Variants in ARHGEF33 observed in about 807,000 individuals in gnomAD.
The protein encoded by ARHGEF33 is Rho guanine nucleotide exchange factor 33.
A neutral mutation model predicts 101.9 loss-of-function variants in ARHGEF33; 72 were observed. That is an observed-to-expected ratio of 0.71 (90% CI 0.58 to 0.86). The LOEUF (loss-of-function observed/expected upper bound fraction) is 0.86, where lower values mean the gene tolerates loss of function less well. Ranked by LOEUF, ARHGEF33 falls within the 40% of genes least tolerant of loss-of-function variation. ARHGEF33 has a pLI of 0.00. For missense variants in ARHGEF33, 1,169 were observed against 1,111.3 expected, an observed-to-expected ratio of 1.05 and a Z score of -0.74; for synonymous variants, 499 against 442.5, an observed-to-expected ratio of 1.13 and a Z score of -1.60.
At chr2:38,901,668 G>A (rs1322658271) in intron 2 of ARHGEF33, among the ~76,000 whole-genome samples, 1 of 152,182 alleles carries the variant, frequency 6.6e-6, no homozygotes, top group Non-Finnish European at 1.5e-5. Context: ...ATCACCACTG[G>A]AGTCTTACGG....
At chr2:38,901,465 C>T (rs1343869485) in intron 2 of ARHGEF33, among the ~76,000 whole-genome samples, 3 of 152,196 alleles carry the variant, frequency 2.0e-5, no homozygotes, top group Admixed American at 6.5e-5. Context: ...CAGTAACCAG[C>T]TCCCGGGTAG....
chr2:38,900,280 G>A (rs1486422718), intron 2 of ARHGEF33, among the ~76,000 whole-genome samples: 1 of 152,152 alleles, frequency 6.6e-6, no homozygotes, highest in African/African-American at 2.4e-5. Flanking sequence ...TGAGAATGTA[G>A]CAGAAGAGGG....
At chr2:38,954,789 A>G (rs7607053) in intron 13 of ARHGEF33, among the ~76,000 whole-genome samples, 2,338 of 152,102 alleles carry the variant, frequency 0.015, 77 homozygotes, top group African/African-American at 0.053. Context: ...ATGTGCCACC[A>G]TGCCCAGCTA....
rs540753944 is a variant in ARHGEF33, at chr2:38,892,168, T to C, written c.-159+2182T>C. Among the ~76,000 whole-genome samples the C allele has an allele frequency of 4.6e-5, 7 of 152,264 alleles. No individual in the cohort carries two copies. The South Asian group carries it at 1.5e-3, about 32-fold the overall frequency. On this transcript the variant is annotated intron_variant, in intron 1 of 17. Transcript: ENST00000409978. ...TTCCTGAGAATGAGGGAGTAGCTGT[T>C]TTGGATTTGTCTTTGGGGCCTACTT...
rs1454738150 is a variant in ARHGEF33, at chr2:38,950,981, G to C, written c.921-8G>C. ...GTTTGTGTGATTCCGTCTCTATTCTGTTTCAAGCCTCTTCCCTGGCTCTTT... is the reference window on the plus strand; with the variant it reads ...GTTTGTGTGATTCCGTCTCTATTCTCTTTCAAGCCTCTTCCCTGGCTCTTT... On this transcript the variant is annotated splice_region_variant and splice_polypyrimidine_tract_variant and intron_variant, in intron 10 of 17. Transcript: ENST00000409978. 9 of 1,551,612 alleles carry C rather than the reference G, an allele frequency of 5.8e-6. No homozygotes were observed. The highest frequency in any genetic ancestry group is 7.0e-6 in the Non-Finnish European group (8 of 1,146,986).
chr2:38,906,072 G>C (rs1666380255), intron 2 of ARHGEF33, among the ~76,000 whole-genome samples: 1 of 151,804 alleles, frequency 6.6e-6, no homozygotes, highest in Non-Finnish European at 1.5e-5. Context: ...TGGGAAACAT[G>C]GTGAAACTCC....
At chr2:38,962,261 G>A (rs770544670) in intron 16 of ARHGEF33, among the ~76,000 whole-genome samples, 2 of 152,214 alleles carry the variant, frequency 1.3e-5, no homozygotes, top group African/African-American at 2.4e-5. Flanking sequence ...TGCCAATTCA[G>A]TGTGACTTGG....
chr2:38,928,684 A>AT lies in ARHGEF33; in HGVS notation c.76-220dup, dbSNP rs695225. ...TTAATTAACAGCTTGCTTTCTTGTCATTTATCAAGCTTCAGCATATGCTAT... is the reference window on the plus strand; with the variant it reads ...TTAATTAACAGCTTGCTTTCTTGTCATTTTATCAAGCTTCAGCATATGCTAT... On this transcript the variant is annotated intron_variant, in intron 4 of 17. Transcript: ENST00000409978. The AT allele has an allele frequency of 8.8e-3, 2,865 of 323,854 alleles. 75 individuals are homozygous for AT. Among genetic ancestry groups the AT allele is most frequent in the East Asian group, 0.042 (858 of 20,446 alleles). The allele number at this position is 323,854 out of a possible 1,614,324, so 20.1% of individuals were successfully genotyped here. A position where few individuals can be genotyped will look rare whatever the true frequency, so the allele number is the denominator to read the frequency against.
At chr2:38,938,083 A>C (rs1005456991) in intron 9 of ARHGEF33, among the ~76,000 whole-genome samples, 1 of 152,192 alleles carries the variant, frequency 6.6e-6, no homozygotes, top group African/African-American at 2.4e-5. Flanking sequence ...CATGAAAAAA[A>C]GTATTAAAAG....
intron 9 of ARHGEF33, among the ~76,000 whole-genome samples, chr2:38,939,548 C>G (rs759176865): frequency 3.9e-5 from 6 of 152,176 alleles, no homozygotes; most frequent in African/African-American, 4.8e-5. Context: ...TGGTATCACA[C>G]TGTAGTTTTA....
At chr2:38,936,692 A>C (rs943480953) in intron 8 of ARHGEF33, among the ~76,000 whole-genome samples, 3 of 152,050 alleles carry the variant, frequency 2.0e-5, no homozygotes, top group Admixed American at 2.0e-4. Context: ...AGTTAGCAAC[A>C]AGGCCGGGCA....
chr2:38,967,332 A>C (rs973237984), intron 17 of ARHGEF33, among the ~76,000 whole-genome samples: 4 of 152,216 alleles, frequency 2.6e-5, no homozygotes, highest in African/African-American at 9.7e-5. Flanking sequence ...GAAGAGCGAC[A>C]GCTCTGCATG....
At chr2:38,957,472 A>C (rs1263812627) in intron 14 of ARHGEF33, among the ~76,000 whole-genome samples, 1 of 152,260 alleles carries the variant, frequency 6.6e-6, no homozygotes, top group Non-Finnish European at 1.5e-5. Flanking sequence ...GCCCCAACCA[A>C]ATCTTTGCCA....
intron 11 of ARHGEF33, among the ~76,000 whole-genome samples, chr2:38,951,521 C>A (rs931177275): frequency 2.0e-5 from 3 of 151,894 alleles, no homozygotes; most frequent in African/African-American, 7.3e-5. Flanking sequence ...AATCCCAACA[C>A]TTTGGGAGGC....
Position 38,960,293 on chromosome 2 carries a change from C to A in ARHGEF33, c.1988C>A (p.Ala663Asp), listed in dbSNP as rs1379775439. Reference sequence around the variant, plus strand: ...TGCTTCCTGCGGCCCGTCAGCTTCGCCATGGAGGCCGAGCGGCCGGAGCAC... The same window carrying A: ...TGCTTCCTGCGGCCCGTCAGCTTCGACATGGAGGCCGAGCGGCCGGAGCAC... The part of the protein sequence containing the change: ...DICFLRPVSF[A>D]MEAERPEHPL... The change falls in exon 16 of 18, where the codon GCC (alanine) becomes GAC (aspartate). Residue 663 changes from alanine (A) to aspartate (D), a missense_variant. Coordinates refer to ENST00000409978, the MANE Select transcript of ARHGEF33 (RefSeq NM_001145451.5). 1 of 1,546,434 alleles carries A rather than the reference C, an allele frequency of 6.5e-7. No individual in the cohort carries two copies. Among genetic ancestry groups the A allele is most frequent in the Non-Finnish European group, 8.7e-7 (1 of 1,146,106 alleles).
chr2:38,921,710 A>G (rs1666761750), intron 4 of ARHGEF33, among the ~76,000 whole-genome samples: 1 of 152,132 alleles, frequency 6.6e-6, no homozygotes, highest in African/African-American at 2.4e-5. Context: ...ATAGGTGAGC[A>G]CCACTGTGCC....
At chr2:38,971,803 TAAA>T in intron 17 of ARHGEF33, 1 of 718,160 alleles carries the variant, frequency 1.4e-6, no homozygotes, top group East Asian at 2.7e-5. Context: ...GAAGAGCAGT[TAAA>T]AAAATTTAAG....
chr2:38,909,096 C>T (rs1311040391), intron 2 of ARHGEF33, among the ~76,000 whole-genome samples: 1 of 152,108 alleles, frequency 6.6e-6, no homozygotes, highest in Non-Finnish European at 1.5e-5. Flanking sequence ...TAGTTGCTCA[C>T]AGTCTGGGGA....
At chr2:38,910,302 G>A (rs1666480848) in intron 2 of ARHGEF33, among the ~76,000 whole-genome samples, 1 of 152,186 alleles carries the variant, frequency 6.6e-6, no homozygotes, top group Admixed American at 6.5e-5. Context: ...CAAGTGTGGT[G>A]GCTCATGCCT....
Sources: gnomAD v4.1 joint callset for allele counts (sites outside exome capture counted in the v4.1 genomes callset) on GRCh38, gnomAD v4.1.1 for gene constraint, MANE v1.5 for transcripts, NCBI Gene and HGNC (gene_info 2026-07-23, HGNC 2026-07-21) for gene names.